TRMT11: variants seen among roughly 807,000 people sequenced by gnomAD.
The protein encoded by TRMT11 is tRNA methyltransferase 11, also known as tRNA (guanine(10)-N(2))-methyltransferase TRMT11.
TRMT11 carries 53 observed loss-of-function variants against 62.8 expected under a neutral mutation model. The observed-to-expected ratio is 0.84, with a 90% CI of 0.68 to 1.06. The LOEUF is 1.06. TRMT11 is among the 50% of genes least tolerant of loss of function. The probability of loss-of-function intolerance (pLI) is 0.00; values close to 1 mark genes in which losing one functional copy is unlikely to be tolerated. For synonymous variants in TRMT11, 188 were observed against 190.3 expected (o/e 0.99, Z 0.10); for missense variants, 556 against 553.4 (o/e 1.00, Z -0.05).
At chr6:126,252,078 G>A in the TRMT11 span, among the ~76,000 whole-genome samples, 1,522 of 152,316 alleles carry the variant, frequency 1.0e-2, 17 homozygotes, top group Non-Finnish European at 0.013. Flanking sequence ...AGTAGAAAAA[G>A]AACCATTTTA....
the TRMT11 span, among the ~76,000 whole-genome samples, chr6:126,231,476 A>C: frequency 6.6e-6 from 1 of 152,176 alleles, no homozygotes; most frequent in South Asian, 2.1e-4. Context: ...ACGTTAATTG[A>C]CTATTATTGT....
chr6:126,235,652 A>G, the TRMT11 span, among the ~76,000 whole-genome samples: 1 of 152,210 alleles, frequency 6.6e-6, no homozygotes, highest in Non-Finnish European at 1.5e-5. Flanking sequence ...CTGAATGATG[A>G]GAACACATGG....
At chr6:126,175,279 G>A (rs1028765088), upstream of TRMT11, among the ~76,000 whole-genome samples, 2 of 152,150 alleles carry the variant, frequency 1.3e-5, no homozygotes, top group African/African-American at 2.4e-5. Context: ...AGATTAGAGT[G>A]TACAGGGTCC....
chr6:126,021,075 A>T, intron 11 of TRMT11, 85 bp from the exon 12 acceptor site: 1 of 1,478,374 alleles, frequency 6.8e-7, no homozygotes, highest in Non-Finnish European at 9.3e-7. Flanking sequence ...GTGGAAGAAC[A>T]TCCCACACTA....
intron 1 of TRMT11, among the ~76,000 whole-genome samples, chr6:126,195,155 T>A (rs1554246522): frequency 1.3e-5 from 2 of 152,206 alleles, no homozygotes; most frequent in Non-Finnish European, 2.9e-5. Context: ...ATGATTCAGA[T>A]AATTCAGATT....
At chr6:126,182,068 G>A (rs187715613) in intron 1 of TRMT11, among the ~76,000 whole-genome samples, 46 of 152,206 alleles carry the variant, frequency 3.0e-4, no homozygotes, top group African/African-American at 9.4e-4. Context: ...TAACAACCTC[G>A]TAGATAAAGC....
intron 17 of TRMT11, among the ~76,000 whole-genome samples, chr6:126,110,797 G>A (rs1174907203): frequency 6.6e-6 from 1 of 152,046 alleles, no homozygotes; most frequent in Non-Finnish European, 1.5e-5. Context: ...ATTGCTATTT[G>A]TATCTATTGT....
the TRMT11 span, among the ~76,000 whole-genome samples, chr6:126,260,054 A>G: frequency 6.6e-6 from 1 of 152,096 alleles, no homozygotes; most frequent in African/African-American, 2.4e-5. Context: ...AATTTAAACC[A>G]TTTACATTAA....
the TRMT11 span, chr6:126,258,181 G>A: frequency 2.4e-5 from 17 of 710,230 alleles, no homozygotes; most frequent in South Asian, 1.5e-4. Flanking sequence ...GCTCCTTGTG[G>A]TAATACTTGA....
intron 1 of TRMT11, among the ~76,000 whole-genome samples, chr6:126,179,329 T>C (rs1647766235): frequency 6.6e-6 from 1 of 152,206 alleles, no homozygotes; most frequent in African/African-American, 2.4e-5. Flanking sequence ...CTATGTGGGT[T>C]CAGATCTTTA....
intron 17 of TRMT11, among the ~76,000 whole-genome samples, chr6:126,070,255 A>G (rs370178892): frequency 5.9e-5 from 9 of 152,242 alleles, no homozygotes; most frequent in African/African-American, 1.4e-4. Context: ...GTTGGTTCCT[A>G]TAGTGGTTTC....
chr6:126,186,296 A>AT (rs1350701653), intron 1 of TRMT11, among the ~76,000 whole-genome samples: 1 of 152,116 alleles, frequency 6.6e-6, no homozygotes, highest in East Asian at 1.9e-4. Flanking sequence ...ATTTTGTTTG[A>AT]TTTTATCTAA....
intron 1 of TRMT11, among the ~76,000 whole-genome samples, chr6:126,196,321 T>C (rs1015872636): frequency 1.3e-5 from 2 of 152,126 alleles, no homozygotes; most frequent in Admixed American, 6.5e-5. Flanking sequence ...ATCGCTTCTT[T>C]TACGCTTTAC....
chr6:126,052,539 C>A (rs1354696961), intron 16 of TRMT11, among the ~76,000 whole-genome samples: 2 of 151,954 alleles, frequency 1.3e-5, no homozygotes, highest in East Asian at 3.9e-4. Context: ...AAAAAAAATC[C>A]CAATTTCCCT....
intron 17 of TRMT11, among the ~76,000 whole-genome samples, chr6:126,056,986 A>G (rs144046913): frequency 6.6e-6 from 1 of 152,306 alleles, no homozygotes; most frequent in Non-Finnish European, 1.5e-5. Flanking sequence ...GGAAGGGATC[A>G]ATGTCCTTCT....
downstream of TRMT11, among the ~76,000 whole-genome samples, chr6:126,204,375 C>T (rs957590095): frequency 1.3e-5 from 2 of 152,166 alleles, no homozygotes; most frequent in Non-Finnish European, 2.9e-5. Flanking sequence ...TAAAAAGATT[C>T]AGGACCGGAT....
intron 17 of TRMT11, among the ~76,000 whole-genome samples, chr6:126,110,824 T>G (rs1158754634): frequency 6.6e-6 from 1 of 152,114 alleles, no homozygotes; most frequent in Non-Finnish European, 1.5e-5. Context: ...GATTTAACAT[T>G]TATTGCATGC....
chr6:126,146,119 G>C (rs1224570726), intron 21 of TRMT11, among the ~76,000 whole-genome samples: 1 of 152,226 alleles, frequency 6.6e-6, no homozygotes, highest in Non-Finnish European at 1.5e-5. Flanking sequence ...GACTCAGTTT[G>C]AATATACATG....
At chr6:126,151,796 CCTCT>C (rs999136547) in intron 21 of TRMT11, among the ~76,000 whole-genome samples, 4 of 100,584 alleles carry the variant, frequency 4.0e-5, no homozygotes, top group Non-Finnish European at 8.1e-5. Flanking sequence ...TTCCTTCCTT[CCTCT>C]CTGTCTTTTC....
Sources: gnomAD v4.1 joint callset for allele counts (sites outside exome capture counted in the v4.1 genomes callset) on GRCh38, gnomAD v4.1.1 for gene constraint, MANE v1.5 for transcripts, NCBI Gene and HGNC (gene_info 2026-07-23, HGNC 2026-07-21) for gene names.